The following CYFIP2 variants were observed in gnomAD, a reference collection of about 807,000 sequenced individuals.
CYFIP2 encodes cytoplasmic FMR1-interacting protein 2.
A neutral mutation model predicts 158.7 loss-of-function variants in CYFIP2; 29 were observed. The ratio of observed to expected loss-of-function variants is 0.18; its 90% CI spans 0.14 to 0.25. CYFIP2 has a LOEUF of 0.25. CYFIP2 is among the 10% of genes least tolerant of loss of function. The pLI is 1.00. For synonymous variants in CYFIP2, 585 were observed against 617.6 expected, an observed-to-expected ratio of 0.95 and a Z score of 0.78; for missense variants, 852 against 1,639.5, an observed-to-expected ratio of 0.52 and a Z score of 8.29.
chr5:157,385,197 G>A (rs1191264677), intron 28 of CYFIP2, among the ~76,000 whole-genome samples: 2 of 152,202 alleles, frequency 1.3e-5, no homozygotes, highest in African/African-American at 2.4e-5. Flanking sequence ...TTTCCACTTA[G>A]AGGACTGTGA....
chr5:157,367,780 A>G, intron 26 of CYFIP2, among the ~76,000 whole-genome samples: 1 of 117,206 alleles, frequency 8.5e-6, no homozygotes. Flanking sequence ...TTTAAGACAG[A>G]GTCTCACTCT....
intron 23 of CYFIP2, among the ~76,000 whole-genome samples, chr5:157,354,327 A>T (rs987321682): frequency 6.6e-6 from 1 of 152,184 alleles, no homozygotes; most frequent in South Asian, 2.1e-4. Flanking sequence ...ATTGATTGGA[A>T]CCTATCAGTT....
At chr5:157,360,414 G>T in intron 25 of CYFIP2, 42 bp downstream of exon 25, 2 of 1,559,292 alleles carry the variant, frequency 1.3e-6, no homozygotes, top group East Asian at 2.2e-5. Flanking sequence ...CCATGGTGGG[G>T]AGGGAGGCTC....
At chr5:157,273,800 T>C (rs374397408) in intron 1 of CYFIP2, among the ~76,000 whole-genome samples, 1 of 152,274 alleles carries the variant, frequency 6.6e-6, no homozygotes, top group Admixed American at 6.5e-5. Context: ...AGCAGCTTTA[T>C]TGAAATATAG....
rs1756176627 is a variant in CYFIP2 at position 157,272,353 on chromosome 5, G to A, written c.-24+6158G>A. 5.3e-5 allele frequency among the ~76,000 whole-genome samples: 8 copies of A among 152,308 alleles called. No individual in the cohort carries two copies. The South Asian group carries it at 1.7e-3, about 32-fold the overall frequency. On this transcript the variant is annotated intron_variant, in intron 1 of 30. Coordinates refer to ENST00000620254, the MANE Select transcript of CYFIP2 (RefSeq NM_001037333.3). ...ACCTTGCCAGTCAGTGCTGGGTACC[G>A]GCCAGGTGTCTGAACTGCTAACAAG...
chr5:157,341,275 G>A (rs898333882), intron 23 of CYFIP2, 118 bp downstream of exon 23: 1 of 911,734 alleles, frequency 1.1e-6, no homozygotes, highest in Non-Finnish European at 1.7e-6. Flanking sequence ...ATGAGGTCAG[G>A]CACAGTGGCT....
intron 8 of CYFIP2, 105 bp downstream of exon 8, chr5:157,304,471 T>C: frequency 7.5e-7 from 1 of 1,326,142 alleles, no homozygotes; most frequent in Admixed American, 2.2e-5. Flanking sequence ...TTCTTAAACA[T>C]TGATACAGAT....
At position 157,395,309 on chromosome 5, in the gene CYFIP2, G is replaced by GA. The variant is rs1254696053; in HGVS notation, c.*2316dup. 34 of 281,298 alleles carry GA rather than the reference G, an allele frequency of 1.2e-4. No homozygotes were observed. In the East Asian group the frequency reaches 2.5e-3, roughly 20 times the overall value. 17.4% of individuals were successfully genotyped at this position (281,298 alleles called of 1,614,324 possible). ...TTTTTTGTGTGTGTCTAATAACCAGGAAAAAAATAAAGCTTAGGTTTTAAA... is the reference window on the plus strand; with the variant it reads ...TTTTTTGTGTGTGTCTAATAACCAGGAAAAAAAATAAAGCTTAGGTTTTAAA... On this transcript the variant is annotated 3_prime_UTR_variant, in exon 31 of 31. Coordinates refer to ENST00000620254, the MANE Select transcript of CYFIP2 (RefSeq NM_001037333.3).
At chr5:157,327,929 A>G (rs1761155886) in intron 18 of CYFIP2, 44 bp from the exon 19 acceptor site, 1 of 1,593,542 alleles carries the variant, frequency 6.3e-7, no homozygotes, top group South Asian at 1.1e-5. Context: ...TCTGTCATAA[A>G]GCTGAACGGG....
chr5:157,319,630 G>T (rs902984526), intron 13 of CYFIP2, 132 bp from the exon 14 acceptor site: 14 of 1,071,214 alleles, frequency 1.3e-5, no homozygotes, highest in Non-Finnish European at 1.8e-5. Context: ...CCATGCGCTG[G>T]CACTTTGAGT....
At chr5:157,302,750 C>T (rs189552706) in intron 6 of CYFIP2, 44 bp from the exon 7 acceptor site, 2 of 1,509,510 alleles carry the variant, frequency 1.3e-6, no homozygotes, top group Non-Finnish European at 1.8e-6. Flanking sequence ...TAGGCCGTTG[C>T]ACTTGGACAG....
rs1333721993 is a variant in CYFIP2 at position 157,382,605 on chromosome 5, T to G, written c.3055T>G (p.Cys1019Gly). The G allele has an allele frequency of 6.2e-7, 1 of 1,613,902 alleles. No individual in the cohort carries two copies. Among genetic ancestry groups the G allele is most frequent in the Admixed American group, 1.7e-5 (1 of 60,012 alleles). ...ATCTCTGCAGTCTCAGGAGGAGGTC[T>G]GCGATTTGCTCCATGCCGCACCCTT... ...IEQALSQEEV[C>G]DLLHAAPFQN... The change falls in exon 27 of 31, where the codon TGC becomes GGC. Residue 1019 changes from cysteine to glycine, a missense_variant. Cys to Gly is a radical substitution (Grantham distance 159). Around this residue, in one of 8 missense-constraint regions of CYFIP2, gnomAD observed 223 missense variants for 381.6 expected, o/e 0.58. Coordinates refer to ENST00000620254, the MANE Select transcript of CYFIP2 (RefSeq NM_001037333.3).
intron 1 of CYFIP2, among the ~76,000 whole-genome samples, chr5:157,275,603 AC>A (rs1475071204): frequency 6.6e-6 from 1 of 151,946 alleles, no homozygotes. Flanking sequence ...AGTTCCTCCC[AC>A]CCCCAAGATT....
intron 1 of CYFIP2, among the ~76,000 whole-genome samples, chr5:157,283,435 C>T (rs1378988230): frequency 6.7e-6 from 1 of 149,912 alleles, no homozygotes; most frequent in Non-Finnish European, 1.5e-5. Context: ...GGAAGACAGT[C>T]TTTTTTTTTT....
chr5:157,376,117 C>T (rs898440808), intron 26 of CYFIP2: 1 of 130,564 alleles, frequency 7.7e-6, no homozygotes, highest in Non-Finnish European at 1.6e-5. Context: ...CCCTGCCCCT[C>T]CTCTCAGGCC....
At chr5:157,278,059 C>G (rs1756702591) in intron 1 of CYFIP2, among the ~76,000 whole-genome samples, 2 of 151,998 alleles carry the variant, frequency 1.3e-5, no homozygotes, top group Non-Finnish European at 2.9e-5. Flanking sequence ...TATATATGAT[C>G]CACTGTTGAC....
At chr5:157,358,034 A>G (rs1205648524) in intron 23 of CYFIP2, among the ~76,000 whole-genome samples, 3 of 152,158 alleles carry the variant, frequency 2.0e-5, no homozygotes, top group Non-Finnish European at 4.4e-5. Flanking sequence ...GGGGCTAATA[A>G]TGATATAGAT....
Position 157,330,861 on chromosome 5 carries a change from C to T in CYFIP2, c.2265+11C>T, listed in dbSNP as rs1234969590. On this transcript the variant is annotated intron_variant, in intron 20 of 30. Transcript: ENST00000620254. The stretch of plus-strand genomic sequence containing the variant: ...CAGAGACACGTCCAGGTATGGGGAG[C>T]AGAAGCCACCTTGGAGATGGAAGGG... 2 of 1,603,448 alleles carry T rather than the reference C, an allele frequency of 1.2e-6. No homozygotes were observed. The highest frequency in any genetic ancestry group is 2.2e-5 in the South Asian group (2 of 90,852).
rs368005909 is a variant in CYFIP2, at chr5:157,339,278, G to T, written c.2585+22G>T. 11 of 1,604,846 alleles carry T rather than the reference G, an allele frequency of 6.9e-6. No individual in the cohort carries two copies. In the Admixed American group the frequency reaches 1.8e-4, roughly 27 times the overall value. ...ACCGGTAAGGGAGTCCCTGTGCAGA[G>T]GGGGCCGGGTGGGGGTTGGGGGAGT... is the stretch of plus-strand genomic sequence containing the variant. On this transcript the variant is annotated intron_variant, in intron 22 of 30. Transcript: ENST00000620254.
Sources: allele counts gnomAD v4.1 joint callset (sites outside exome capture counted in the v4.1 genomes callset), GRCh38; gene constraint gnomAD v4.1.1; regional missense constraint gnomAD v4.1.1; transcripts MANE v1.5; gene names NCBI Gene and HGNC (gene_info 2026-07-23, HGNC 2026-07-21).